Variants in OR9Q1 observed in about 807,000 individuals in gnomAD.
OR9Q1 encodes the protein olfactory receptor 9Q1.
For synonymous variants in OR9Q1, 153 were observed against 148.6 expected (o/e 1.03, Z -0.22); for missense variants, 374 against 378.8 (o/e 0.99, Z 0.11).
intron 1 of OR9Q1, among the ~76,000 whole-genome samples, chr11:58,028,996 T>C (rs574705395): frequency 3.6e-4 from 55 of 152,342 alleles, no homozygotes; most frequent in African/African-American, 1.3e-3. Context: ...TATTTCTTTT[T>C]CTCCAAAGGG....
chr11:58,047,874 C>T (rs761127270), intron 1 of OR9Q1, among the ~76,000 whole-genome samples: 4 of 152,128 alleles, frequency 2.6e-5, no homozygotes, highest in Non-Finnish European at 5.9e-5. Flanking sequence ...CAGAGAGAGA[C>T]TCCGTCTCAC....
chr11:58,109,441 G>A, intron 2 of OR9Q1: 1 of 461,228 alleles, frequency 2.2e-6, no homozygotes, highest in South Asian at 1.5e-5. Flanking sequence ...GATTACTGAG[G>A]CACAGCAGGC....
In OR9Q1 at chr11:58,107,546, A is replaced by G. The variant is rs1853853642; in HGVS notation, c.-15+51599A>G. Among the ~76,000 whole-genome samples the G allele has an allele frequency of 3.9e-5, 6 of 152,238 alleles. No homozygotes were observed. In the South Asian group the frequency reaches 1.2e-3, roughly 32 times the overall value. On this transcript the variant is annotated intron_variant, in intron 2 of 2. Transcript: ENST00000335397. ...TTTGGGTAGGTTCCAAGTCTTTGCT[A>G]TTGTGAATAGTGCCGTAATAAACTT...
At chr11:58,126,489 T>TA (rs1225917486) in intron 2 of OR9Q1, among the ~76,000 whole-genome samples, 7 of 152,240 alleles carry the variant, frequency 4.6e-5, no homozygotes, top group African/African-American at 7.2e-5. Flanking sequence ...ATGGCTGGGA[T>TA]AAAAAACCTT....
At chr11:58,087,136 A>C (rs1239127441) in intron 2 of OR9Q1, among the ~76,000 whole-genome samples, 2 of 151,798 alleles carry the variant, frequency 1.3e-5, no homozygotes, top group Non-Finnish European at 2.9e-5. Flanking sequence ...ATTATTGTTA[A>C]TCAATTGAAA....
intron 2 of OR9Q1, among the ~76,000 whole-genome samples, chr11:58,142,580 C>T (rs1476545730): frequency 6.6e-6 from 1 of 152,134 alleles, no homozygotes; most frequent in Non-Finnish European, 1.5e-5. Flanking sequence ...AAACATTGAT[C>T]AAGGTTTTAC....
Position 58,179,308 on chromosome 11 carries a change from G to A in OR9Q1, c.-14-123G>A. ...CAAAGTGCTGATATTACAGGTGTGAGCCACAGCACCTGGCACACCTGGCAT... is the reference window on the plus strand; with the variant it reads ...CAAAGTGCTGATATTACAGGTGTGAACCACAGCACCTGGCACACCTGGCAT... On this transcript the variant is annotated intron_variant, in intron 2 of 2. Transcript: ENST00000335397. 9.7e-6 allele frequency: 6 copies of A among 620,700 alleles called. No individual in the cohort carries two copies. In the South Asian group the frequency reaches 1.5e-4, roughly 15 times the overall value. 38.4% of individuals were successfully genotyped at this position (620,700 alleles called of 1,614,324 possible).
Position 58,091,233 on chromosome 11 carries a change from G to T in OR9Q1, c.-15+35286G>T, listed in dbSNP as rs553119955. ...CTTCTCTAGTTCTTTTAATCGTGAT[G>T]TTAGGCTATTGATTTTAGATCTTTC... On this transcript the variant is annotated intron_variant, in intron 2 of 2. Coordinates refer to ENST00000335397, the MANE Select transcript of OR9Q1 (RefSeq NM_001005212.4). Among the ~76,000 whole-genome samples, 6 of 152,252 alleles carry T rather than the reference G, an allele frequency of 3.9e-5. No homozygotes were observed. The South Asian group carries it at 1.2e-3, about 32-fold the overall frequency.
intron 2 of OR9Q1, among the ~76,000 whole-genome samples, chr11:58,146,817 G>A (rs764380055): frequency 1.6e-4 from 25 of 152,194 alleles, no homozygotes; most frequent in Non-Finnish European, 3.7e-4. Context: ...GAAATGGGAT[G>A]CCTTGAGGAA....
chr11:58,160,900 C>G (rs1854451004), intron 2 of OR9Q1, among the ~76,000 whole-genome samples: 1 of 152,170 alleles, frequency 6.6e-6, no homozygotes, highest in South Asian at 2.1e-4. Flanking sequence ...GTAGACCGAA[C>G]AAGAGATTTC....
At chr11:58,092,880 A>G (rs961361402) in intron 2 of OR9Q1, among the ~76,000 whole-genome samples, 1 of 152,214 alleles carries the variant, frequency 6.6e-6, no homozygotes, top group Non-Finnish European at 1.5e-5. Context: ...GGTTAGTTAC[A>G]GAGTCATATT....
chr11:58,067,544 C>T (rs1318465471), intron 2 of OR9Q1, among the ~76,000 whole-genome samples: 2 of 152,108 alleles, frequency 1.3e-5, no homozygotes, highest in Non-Finnish European at 2.9e-5. Flanking sequence ...GAGACAAACA[C>T]AGTCAAGGTT....
chr11:58,058,830 A>G (rs1455529765), intron 2 of OR9Q1, among the ~76,000 whole-genome samples: 1 of 152,172 alleles, frequency 6.6e-6, no homozygotes. Context: ...ACTCAGGTCC[A>G]GTTAAAGTAA....
chr11:58,077,063 A>G (rs1853544467), intron 2 of OR9Q1, among the ~76,000 whole-genome samples: 1 of 152,174 alleles, frequency 6.6e-6, no homozygotes, highest in African/African-American at 2.4e-5. Context: ...GGACTTGGAG[A>G]GGAGTAGTGG....
At chr11:58,037,132 A>G (rs1347636227) in intron 1 of OR9Q1, among the ~76,000 whole-genome samples, 1 of 152,230 alleles carries the variant, frequency 6.6e-6, no homozygotes, top group African/African-American at 2.4e-5. Context: ...GACAGCAGCC[A>G]TCGATATTGA....
At chr11:58,108,530 G>A (rs1426335228) in intron 2 of OR9Q1, among the ~76,000 whole-genome samples, 1 of 152,156 alleles carries the variant, frequency 6.6e-6, no homozygotes, top group East Asian at 1.9e-4. Flanking sequence ...GGTAGAGGAA[G>A]TCATCCAAAC....
chr11:58,140,480 A>G (rs7114601), intron 2 of OR9Q1, among the ~76,000 whole-genome samples: 57,902 of 151,722 alleles, frequency 0.38, 11,716 homozygotes, highest in Middle Eastern at 0.5. Context: ...GTAAGGAAGG[A>G]ATCCAGTTTC....
intron 2 of OR9Q1, among the ~76,000 whole-genome samples, chr11:58,120,391 T>A (rs1167144298): frequency 6.6e-6 from 1 of 152,180 alleles, no homozygotes; most frequent in Non-Finnish European, 1.5e-5. Flanking sequence ...GCTTATGTCA[T>A]AGGGGTCTTT....
At chr11:58,029,923 C>A (rs923946403) in intron 1 of OR9Q1, among the ~76,000 whole-genome samples, 5 of 151,476 alleles carry the variant, frequency 3.3e-5, no homozygotes, top group African/African-American at 7.3e-5. Context: ...CTCACTGCAA[C>A]CTCTGCCTCC....
Sources: gnomAD v4.1 joint callset for allele counts (sites outside exome capture counted in the v4.1 genomes callset) on GRCh38, gnomAD v4.1.1 for gene constraint, MANE v1.5 for transcripts, NCBI Gene and HGNC (gene_info 2026-07-23, HGNC 2026-07-21) for gene names.